Variants in SAMMSON observed in about 807,000 individuals in gnomAD.
SAMMSON encodes the protein long intergenic non-protein coding RNA 1212.
chr3:70,402,643 C>T (rs1701149256), intron 2 of SAMMSON, among the ~76,000 whole-genome samples: 1 of 152,124 alleles, frequency 6.6e-6, no homozygotes, highest in Non-Finnish European at 1.5e-5. Flanking sequence ...GGGCGGACCA[C>T]CTGAGGTCAG....
chr3:70,033,255 C>T (rs1257625028), intron 3 of SAMMSON, among the ~76,000 whole-genome samples: 3 of 152,184 alleles, frequency 2.0e-5, no homozygotes, highest in East Asian at 1.9e-4. Context: ...CCCTCTCCTA[C>T]TTCCTATAAT....
intron 7 of SAMMSON, among the ~76,000 whole-genome samples, chr3:70,340,459 G>A (rs2106728400): frequency 6.6e-6 from 1 of 151,978 alleles, no homozygotes; most frequent in South Asian, 2.1e-4. Context: ...CTGGAATATG[G>A]GAACTTGGAT....
At chr3:70,191,558 T>C (rs146303448) in intron 4 of SAMMSON, among the ~76,000 whole-genome samples, 1 of 152,358 alleles carries the variant, frequency 6.6e-6, no homozygotes, top group Non-Finnish European at 1.5e-5. Flanking sequence ...ACATTGACTT[T>C]GCATTTATTA....
chr3:70,146,678 A>G (rs2067550377), intron 4 of SAMMSON, among the ~76,000 whole-genome samples: 1 of 152,014 alleles, frequency 6.6e-6, no homozygotes. Context: ...GATAAAATCT[A>G]TTTTTTAAAA....
intron 6 of SAMMSON, among the ~76,000 whole-genome samples, chr3:70,273,268 A>T (rs1701991223): frequency 6.6e-6 from 1 of 152,230 alleles, no homozygotes; most frequent in Admixed American, 6.5e-5. Flanking sequence ...GAGTTCATTA[A>T]ATCTTAGTCG....
intron 2 of SAMMSON, among the ~76,000 whole-genome samples, chr3:70,407,568 TC>T (rs1343174642): frequency 6.6e-6 from 1 of 152,174 alleles, no homozygotes. Context: ...CAAAATGATC[TC>T]CTTTGACTCC....
At chr3:70,387,736 T>C (rs1700986677) in intron 9 of SAMMSON, among the ~76,000 whole-genome samples, 1 of 152,108 alleles carries the variant, frequency 6.6e-6, no homozygotes, top group African/African-American at 2.4e-5. Flanking sequence ...ATTAAGTTTT[T>C]GATTACACAA....
chr3:70,175,452 A>G (rs1270140713), intron 4 of SAMMSON, among the ~76,000 whole-genome samples: 1 of 152,052 alleles, frequency 6.6e-6, no homozygotes, highest in Non-Finnish European at 1.5e-5. Flanking sequence ...CTTGAACTGT[A>G]TGAGAGACAG....
chr3:70,107,485 C>T (rs1233975036), intron 4 of SAMMSON, among the ~76,000 whole-genome samples: 1 of 151,966 alleles, frequency 6.6e-6, no homozygotes, highest in East Asian at 1.9e-4. Context: ...GGGATTATAA[C>T]AGGAATGACC....
intron 2 of SAMMSON, among the ~76,000 whole-genome samples, chr3:70,397,360 A>G (rs1327190950): frequency 1.3e-5 from 2 of 152,122 alleles, no homozygotes; most frequent in Non-Finnish European, 2.9e-5. Context: ...GCTGAAGTGC[A>G]GTGGCACCAT....
In SAMMSON at chr3:70,434,215, G is replaced by T. The variant is rs115461613; in HGVS notation, n.234-28345G>T. Among the ~76,000 whole-genome samples the T allele has an allele frequency of 3.0e-3, 450 of 152,230 alleles. 5 individuals carry two copies. The highest frequency in any genetic ancestry group is 9.9e-3 in the African/African-American group (411 of 41,544). On this transcript the variant is annotated intron_variant and non_coding_transcript_variant, in intron 2 of 3. Coordinates refer to the SAMMSON transcript ENST00000641053. ...TTACATTGAATCTGTAGATCAGATT[G>T]GGAAAGACTGACATTTTGGCAATAT...
chr3:70,288,599 A>G (rs1464078348), intron 6 of SAMMSON, among the ~76,000 whole-genome samples: 1 of 149,652 alleles, frequency 6.7e-6, no homozygotes, highest in Non-Finnish European at 1.5e-5. Flanking sequence ...GCTGAGTTCA[A>G]TTCCTGGGTA....
At chr3:70,226,401 T>G (rs959734681) in intron 4 of SAMMSON, among the ~76,000 whole-genome samples, 1 of 152,132 alleles carries the variant, frequency 6.6e-6, no homozygotes, top group Admixed American at 6.6e-5. Context: ...GGGTATAATA[T>G]GCAGAAGGGT....
intron 7 of SAMMSON, among the ~76,000 whole-genome samples, chr3:70,323,943 G>A (rs1702557123): frequency 6.6e-6 from 1 of 152,058 alleles, no homozygotes; most frequent in Admixed American, 6.6e-5. Flanking sequence ...CACAGCTCCA[G>A]TCCAAACTCA....
At chr3:70,265,571 T>C (rs1324517267) in intron 6 of SAMMSON, among the ~76,000 whole-genome samples, 1 of 152,148 alleles carries the variant, frequency 6.6e-6, no homozygotes, top group Non-Finnish European at 1.5e-5. Flanking sequence ...GGGGTTGCAT[T>C]ATCAAGGTGC....
chr3:70,329,799 T>C (rs781285536), intron 7 of SAMMSON, among the ~76,000 whole-genome samples: 2 of 152,006 alleles, frequency 1.3e-5, no homozygotes, highest in Non-Finnish European at 2.9e-5. Context: ...GTTTGCTTAA[T>C]TGATGTTTCT....
chr3:70,198,604 C>T (rs1332679122), intron 4 of SAMMSON, among the ~76,000 whole-genome samples: 1 of 152,178 alleles, frequency 6.6e-6, no homozygotes, highest in Non-Finnish European at 1.5e-5. Context: ...TCTCCATCCT[C>T]TTTCTCTTAC....
intron 7 of SAMMSON, among the ~76,000 whole-genome samples, chr3:70,292,610 G>A (rs1419432435): frequency 6.6e-6 from 1 of 151,928 alleles, no homozygotes; most frequent in Non-Finnish European, 1.5e-5. Flanking sequence ...CTTGCTTTTG[G>A]ATGAGTTTTT....
intron 6 of SAMMSON, among the ~76,000 whole-genome samples, chr3:70,272,934 T>C (rs1701988045): frequency 6.6e-6 from 1 of 152,200 alleles, no homozygotes; most frequent in Non-Finnish European, 1.5e-5. Flanking sequence ...GCAAAAACCC[T>C]GAGGAGTCAT....
Sources: allele counts gnomAD v4.1 joint callset (sites outside exome capture counted in the v4.1 genomes callset), GRCh38; gene constraint gnomAD v4.1.1; transcripts MANE v1.5; gene names NCBI Gene and HGNC (gene_info 2026-07-23, HGNC 2026-07-21).